USP54: variants seen among roughly 807,000 people sequenced by gnomAD.
USP54 encodes the protein ubiquitin specific peptidase 54.
Under a neutral mutation model 170.5 loss-of-function variants are expected in USP54, and 87 were observed. The observed-to-expected ratio is 0.51, with a 90% CI of 0.43 to 0.61. The LOEUF (loss-of-function observed/expected upper bound fraction) is 0.61, where lower values mean the gene tolerates loss of function less well. USP54 is among the 20% of genes least tolerant of loss of function. USP54 has a pLI of 0.00. For missense variants in USP54, 1,786 were observed against 2,047.8 expected (o/e 0.87, Z 2.47); for synonymous variants, 655 against 742.8 (o/e 0.88, Z 1.92).
At chr10:73,619,709 A>C (rs762502525) in intron 1 of USP54, among the ~76,000 whole-genome samples, 1 of 150,592 alleles carries the variant, frequency 6.6e-6, no homozygotes, top group Non-Finnish European at 1.5e-5. Context: ...AAGACAAAAA[A>C]ATTAAACAGT....
chr10:73,594,164 A>G (rs987542621), upstream of USP54, among the ~76,000 whole-genome samples: 1 of 151,588 alleles, frequency 6.6e-6, no homozygotes, highest in African/African-American at 2.4e-5. Flanking sequence ...TCCACTTCCC[A>G]GGTTCAAGTG....
chr10:73,530,864 T>A, intron 12 of USP54, 29 bp from the exon 13 acceptor site: 1 of 1,612,846 alleles, frequency 6.2e-7, no homozygotes. Context: ...TGGGGTAAGC[T>A]GGTATCTGAG....
At chr10:73,579,072 C>T (rs2076521737) in intron 1 of USP54, among the ~76,000 whole-genome samples, 1 of 151,102 alleles carries the variant, frequency 6.6e-6, no homozygotes, top group Non-Finnish European at 1.5e-5. Context: ...CCATCACCCT[C>T]ACCCCCACCC....
At chr10:73,560,751 G>T (rs1205904688) in intron 4 of USP54, among the ~76,000 whole-genome samples, 1 of 150,622 alleles carries the variant, frequency 6.6e-6, no homozygotes, top group Admixed American at 6.6e-5. Flanking sequence ...AGTGAGAAAG[G>T]TCATAAAAGA....
intron 1 of USP54, among the ~76,000 whole-genome samples, chr10:73,580,921 C>T (rs1000362945): frequency 6.6e-6 from 1 of 152,126 alleles, no homozygotes; most frequent in Admixed American, 6.6e-5. Context: ...AGGTTTGTAG[C>T]ATAGCAGCAG....
At chr10:73,509,080 GA>G (rs1431763759) in intron 20 of USP54, among the ~76,000 whole-genome samples, 1 of 63,912 alleles carries the variant, frequency 1.6e-5, no homozygotes, top group Admixed American at 1.9e-4. Flanking sequence ...AATGGAGGGG[GA>G]AAAAACATAG....
At chr10:73,549,409 G>A (rs539586378) in intron 4 of USP54, among the ~76,000 whole-genome samples, 1 of 152,186 alleles carries the variant, frequency 6.6e-6, no homozygotes, top group Admixed American at 6.5e-5. Flanking sequence ...GAATATCAAT[G>A]GGCATTTCAA....
At position 73,575,577 on chromosome 10, in the gene USP54, C is replaced by T; in HGVS notation, c.82G>A (p.Ala28Thr). The T allele has an allele frequency of 1.2e-6, 2 of 1,613,952 alleles. No homozygotes were observed. The highest frequency in any genetic ancestry group is 1.7e-6 in the Non-Finnish European group (2 of 1,179,968). ...MFAPRSSTSIAPSKGLSNEPG... is the reference protein window; with the variant it reads ...MFAPRSSTSITPSKGLSNEPG... ...TCATTGCTGAGGCCTTTGCTGGGGGCTATGGAGGTTGAGCTTCGAGGTGCA... is the reference window on the plus strand; with the variant it reads ...TCATTGCTGAGGCCTTTGCTGGGGGTTATGGAGGTTGAGCTTCGAGGTGCA... Residue 28 changes from alanine to threonine, a missense_variant, in exon 3 of 24, where the codon GCC becomes ACC. Physicochemically the swap from Ala to Thr is moderately conservative, Grantham distance 58 (BLOSUM62 0). Transcript: ENST00000687698.
intron 1 of USP54, among the ~76,000 whole-genome samples, chr10:73,598,042 G>T (rs961682233): frequency 1.4e-5 from 2 of 142,248 alleles, no homozygotes; most frequent in Non-Finnish European, 3.0e-5. Flanking sequence ...CCGAGATCAC[G>T]CCACTGCACT....
At chr10:73,615,928 C>T (rs551486406) in intron 1 of USP54, among the ~76,000 whole-genome samples, 3 of 141,182 alleles carry the variant, frequency 2.1e-5, no homozygotes, top group Non-Finnish European at 4.6e-5. Flanking sequence ...AAAAAAAGGC[C>T]CAGCACAGTG....
chr10:73,541,761 G>A lies in USP54; in HGVS notation c.573-23C>T, dbSNP rs765615652. 80 of 1,606,076 alleles carry A rather than the reference G, an allele frequency of 5.0e-5. No individual in the cohort carries two copies. The East Asian group carries it at 1.8e-3, about 35-fold the overall frequency. ...TTGCTTCAAGATGGGGAATAGAAGGGGGATGATGGTTTGTATTTAGTTACT... is the reference window on the plus strand; with the variant it reads ...TTGCTTCAAGATGGGGAATAGAAGGAGGATGATGGTTTGTATTTAGTTACT... On this transcript the variant is annotated intron_variant, in intron 7 of 23. Transcript: ENST00000687698.
At chr10:73,582,630 A>G (rs1211885231) in intron 1 of USP54, among the ~76,000 whole-genome samples, 3 of 152,140 alleles carry the variant, frequency 2.0e-5, no homozygotes, top group Admixed American at 6.6e-5. Context: ...GCCTCAAGTG[A>G]TCCACCCACC....
chr10:73,569,902 C>CAAAAAAAAAAAAAAAAAAAAAAAA (rs34676499), intron 4 of USP54, among the ~76,000 whole-genome samples: 1 of 18,706 alleles, frequency 5.3e-5, no homozygotes, highest in Admixed American at 8.4e-4. Flanking sequence ...ATTTCATCTC[C>CAAAAAAAAAAAAAAAAAAAAAAAA]AAAAAAAAAA....
Position 73,575,653 on chromosome 10 carries a change from A to C in USP54, c.6T>G (p.Ser2=). Residue 2 remains serine (S), a synonymous_variant, in exon 3 of 24, where the codon TCT becomes TCG. Coordinates refer to ENST00000687698, the MANE Select transcript of USP54 (RefSeq NM_001391956.1). ...CCCCTGAAAAATAATTTCTCTTCCAAGACATTATTGTTCACATTTAGCCTG... is the reference window on the plus strand; with the variant it reads ...CCCCTGAAAAATAATTTCTCTTCCACGACATTATTGTTCACATTTAGCCTG... M[S]WKRNYFSGGR... The C allele has an allele frequency of 6.2e-7, 1 of 1,603,836 alleles. No individual in the cohort carries two copies. Among genetic ancestry groups the C allele is most frequent in the Non-Finnish European group, 8.5e-7 (1 of 1,176,574 alleles).
At chr10:73,607,615 G>C (rs1452800106) in intron 1 of USP54, among the ~76,000 whole-genome samples, 1 of 151,046 alleles carries the variant, frequency 6.6e-6, no homozygotes, top group African/African-American at 2.4e-5. Context: ...TGGAGAGCCT[G>C]AGCTCAGGAG....
At chr10:73,566,726 G>A (rs2073913958) in intron 4 of USP54, among the ~76,000 whole-genome samples, 1 of 151,222 alleles carries the variant, frequency 6.6e-6, no homozygotes, top group African/African-American at 2.4e-5. Context: ...GTGAGACTCT[G>A]TCTCAAAAAA....
At chr10:73,529,270 G>C (rs546206329) in intron 15 of USP54, 1 of 222,766 alleles carries the variant, frequency 4.5e-6, no homozygotes, top group African/African-American at 2.3e-5. Context: ...AACACACAGA[G>C]GGGAACAACA....
intron 1 of USP54, among the ~76,000 whole-genome samples, chr10:73,615,345 C>T (rs759218325): frequency 2.0e-5 from 3 of 149,814 alleles, no homozygotes; most frequent in African/African-American, 5.1e-5. Flanking sequence ...GGCAACAGAG[C>T]GAGACTCTTG....
At chr10:73,555,211 T>C (rs7078133) in intron 4 of USP54, among the ~76,000 whole-genome samples, 6,842 of 152,306 alleles carry the variant, frequency 0.045, 469 homozygotes, top group African/African-American at 0.15. Flanking sequence ...GATCTAACTT[T>C]GGGGAAGGCA....
Sources: gnomAD v4.1 joint callset for allele counts (sites outside exome capture counted in the v4.1 genomes callset) on GRCh38, gnomAD v4.1.1 for gene constraint, MANE v1.5 for transcripts, NCBI Gene and HGNC (gene_info 2026-07-23, HGNC 2026-07-21) for gene names.